Variants in SUGP1 observed in about 807,000 individuals in gnomAD.
The protein encoded by SUGP1 is SURP and G-patch domain-containing protein 1.
Under a neutral mutation model 76.5 loss-of-function variants are expected in SUGP1, and 34 were observed. The observed-to-expected ratio is 0.44, with a 90% CI of 0.34 to 0.59. The LOEUF is 0.59. SUGP1 is among the 20% of genes least tolerant of loss of function. SUGP1 has a pLI of 0.01. For synonymous variants in SUGP1, 326 were observed against 326.2 expected, an observed-to-expected ratio of 1.00 and a Z score of 0.01; for missense variants, 752 against 851.7, an observed-to-expected ratio of 0.88 and a Z score of 1.46.
At chr19:19,309,254 A>G (rs1055472200) in intron 3 of SUGP1, among the ~76,000 whole-genome samples, 2 of 151,970 alleles carry the variant, frequency 1.3e-5, no homozygotes, top group African/African-American at 4.8e-5. Context: ...GAAGGCTGAG[A>G]CAGGTGGATT....
chr19:19,300,614 T>C (rs1250740866), intron 7 of SUGP1, among the ~76,000 whole-genome samples: 1 of 152,224 alleles, frequency 6.6e-6, no homozygotes, highest in Non-Finnish European at 1.5e-5. Flanking sequence ...CTGCACACCC[T>C]GCAGGGGCTT....
chr19:19,296,697 G>T (rs1038267993), intron 8 of SUGP1, among the ~76,000 whole-genome samples: 1 of 151,916 alleles, frequency 6.6e-6, no homozygotes, highest in African/African-American at 2.4e-5. Context: ...ATTGCAATAG[G>T]CCCAGCAATT....
intron 6 of SUGP1, among the ~76,000 whole-genome samples, chr19:19,302,749 C>A (rs1425308701): frequency 3.3e-5 from 5 of 152,106 alleles, no homozygotes; most frequent in Non-Finnish European, 7.4e-5. Context: ...AGGCTCAGGG[C>A]ACAGGGCCAC....
intron 2 of SUGP1, 182 bp downstream of exon 2, chr19:19,316,240 C>A: frequency 1.4e-6 from 1 of 736,802 alleles, no homozygotes; most frequent in Non-Finnish European, 2.2e-6. Context: ...TCTGGGCTTC[C>A]ACATACCCCT....
chr19:19,302,064 G>A (rs1216391271), intron 7 of SUGP1: 3 of 725,198 alleles, frequency 4.1e-6, no homozygotes, highest in Non-Finnish European at 6.5e-6. Context: ...CTGCCTCAGA[G>A]ACTACCCAGG....
chr19:19,284,250 G>A (rs534772516), intron 8 of SUGP1, among the ~76,000 whole-genome samples: 1 of 152,274 alleles, frequency 6.6e-6, no homozygotes, highest in African/African-American at 2.4e-5. Context: ...AGCCTAGAGT[G>A]TGCCATTGCA....
intron 5 of SUGP1, 24 bp downstream of exon 5, chr19:19,303,700 C>A: frequency 6.2e-7 from 1 of 1,613,982 alleles, no homozygotes; most frequent in Non-Finnish European, 8.5e-7. Flanking sequence ...ACAGCACAGC[C>A]TTCCCTTCCC....
rs1358564375 is a variant in SUGP1 at position 19,320,453 on chromosome 19, G to C, written c.34+10C>G. The C allele has an allele frequency of 6.2e-7, 1 of 1,609,038 alleles. No individual in the cohort carries two copies. Among genetic ancestry groups the C allele is most frequent in the South Asian group, 1.1e-5 (1 of 89,664 alleles). Reference sequence around the variant, plus strand: ...CAGGCGGCCGCCTGAGAGGAGGCGGGGGCTGTTACCTGCAACATCCCGGTT... The same window carrying C: ...CAGGCGGCCGCCTGAGAGGAGGCGGCGGCTGTTACCTGCAACATCCCGGTT... On this transcript the variant is annotated intron_variant, in intron 1 of 13. Coordinates refer to ENST00000247001, the MANE Select transcript of SUGP1 (RefSeq NM_172231.4).
intron 8 of SUGP1, among the ~76,000 whole-genome samples, chr19:19,289,457 C>G (rs1001205023): frequency 1.3e-5 from 2 of 151,646 alleles, no homozygotes; most frequent in African/African-American, 4.8e-5. Flanking sequence ...CAAAAATTAG[C>G]TGGGCGTGGG....
chr19:19,288,603 G>C (rs2061159008), intron 8 of SUGP1, among the ~76,000 whole-genome samples: 1 of 151,920 alleles, frequency 6.6e-6, no homozygotes, highest in African/African-American at 2.4e-5. Context: ...AAAAATTAAA[G>C]AATTAGCCAG....
In SUGP1 at chr19:19,303,345, T is replaced by G; in HGVS notation, c.763+3A>C. On this transcript the variant is annotated splice_donor_region_variant and intron_variant, in intron 6 of 13. Transcript: ENST00000247001. ...GAATCTCCCACCCGCTCCGTCCACC[T>G]ACCTTTCTGAGAGGCTGCCTGCGAC... 6.2e-7 allele frequency: 1 copy of G among 1,613,724 alleles called. No homozygotes were observed. Among genetic ancestry groups the G allele is most frequent in the Non-Finnish European group, 8.5e-7 (1 of 1,179,636 alleles).
chr19:19,292,822 A>T (rs906224857), intron 8 of SUGP1, among the ~76,000 whole-genome samples: 4 of 152,226 alleles, frequency 2.6e-5, no homozygotes, highest in African/African-American at 9.6e-5. Context: ...CAATGCAAGG[A>T]TGGCTCAACA....
At chr19:19,280,522 G>A (rs58196025) in intron 8 of SUGP1, 11,409 of 529,110 alleles carry the variant, frequency 0.022, 459 homozygotes, top group South Asian at 0.11. Flanking sequence ...CAGGCTCTAC[G>A]CACCACCACA....
At chr19:19,300,234 C>T (rs1436012009) in intron 7 of SUGP1, among the ~76,000 whole-genome samples, 2 of 151,960 alleles carry the variant, frequency 1.3e-5, no homozygotes, top group African/African-American at 4.8e-5. Context: ...TGACACCATG[C>T]CCAGTTAATT....
intron 8 of SUGP1, among the ~76,000 whole-genome samples, chr19:19,290,795 T>G (rs2061175971): frequency 6.6e-6 from 1 of 152,148 alleles, no homozygotes; most frequent in South Asian, 2.1e-4. Flanking sequence ...AGTTAATATA[T>G]ATAACAATCA....
At chr19:19,318,216 C>G (rs565647010) in intron 1 of SUGP1, among the ~76,000 whole-genome samples, 9 of 149,330 alleles carry the variant, frequency 6.0e-5, no homozygotes, top group African/African-American at 2.2e-4. Flanking sequence ...CTCCAGAGTT[C>G]CAGCGATTCT....
At chr19:19,280,430 A>G in intron 8 of SUGP1, 139 bp from the exon 9 acceptor site, 1 of 747,568 alleles carries the variant, frequency 1.3e-6, no homozygotes, top group Non-Finnish European at 2.2e-6. Flanking sequence ...TGTCAGTGCC[A>G]CGTGGTACGT....
At chr19:19,299,300 C>T (rs145700496) in intron 7 of SUGP1, among the ~76,000 whole-genome samples, 2 of 152,344 alleles carry the variant, frequency 1.3e-5, no homozygotes, top group East Asian at 1.9e-4. Context: ...GCGGCATACT[C>T]CACTGGGGAG....
At chr19:19,306,121 C>A in intron 3 of SUGP1, 45 bp from the exon 4 acceptor site, 1 of 1,466,898 alleles carries the variant, frequency 6.8e-7, no homozygotes, top group South Asian at 1.4e-5. Flanking sequence ...CTGCAGGGCA[C>A]CTCTCCCGGC....
Sources: allele counts gnomAD v4.1 joint callset (sites outside exome capture counted in the v4.1 genomes callset), GRCh38; gene constraint gnomAD v4.1.1; transcripts MANE v1.5; gene names NCBI Gene and HGNC (gene_info 2026-07-23, HGNC 2026-07-21).